ALDH1L1: variants seen among roughly 807,000 people sequenced by gnomAD.
The protein encoded by ALDH1L1 is aldehyde dehydrogenase 1 family member L1.
A neutral mutation model predicts 101.1 loss-of-function variants in ALDH1L1; 68 were observed. The ratio of observed to expected loss-of-function variants is 0.67; its 90% CI spans 0.55 to 0.82. The LOEUF (loss-of-function observed/expected upper bound fraction) is 0.82. Ranked by LOEUF, ALDH1L1 falls within the 40% of genes least tolerant of loss-of-function variation. ALDH1L1 has a pLI of 0.00. For missense variants in ALDH1L1, 1,087 were observed against 1,172.7 expected (o/e 0.93, Z 1.07); for synonymous variants, 486 against 470.8 (o/e 1.03, Z -0.42).
At chr3:126,169,910 A>T (rs2081242071) in intron 1 of ALDH1L1, among the ~76,000 whole-genome samples, 1 of 152,214 alleles carries the variant, frequency 6.6e-6, no homozygotes, top group African/African-American at 2.4e-5. Flanking sequence ...GTTAAATTCT[A>T]GTCTTGCCTA....
At chr3:126,114,484 A>G (rs1403031696) in intron 18 of ALDH1L1, 73 bp downstream of exon 18, 15 of 1,237,546 alleles carry the variant, frequency 1.2e-5, no homozygotes, top group Non-Finnish European at 1.6e-5. Flanking sequence ...GTGGAATCAG[A>G]GACAGGGCCT....
At position 126,146,737 on chromosome 3, in the gene ALDH1L1, G is replaced by C; in HGVS notation, c.1076+98C>G. ...TGGGTCCCTGGCCCACATGATCCAT[G>C]AGTGTAACAAATGGTTGTTTCCTGC... On this transcript the variant is annotated intron_variant, in intron 9 of 22. Transcript: ENST00000393434. 3 of 1,311,306 alleles carry C rather than the reference G, an allele frequency of 2.3e-6. No homozygotes were observed. In the South Asian group the frequency reaches 4.1e-5, roughly 18 times the overall value. 81.2% of individuals were successfully genotyped at this position (1,311,306 alleles called of 1,614,324 possible).
chr3:126,180,377 G>C, intron 1 of ALDH1L1, 99 bp downstream of exon 1: 13 of 896,764 alleles, frequency 1.4e-5, no homozygotes, highest in Non-Finnish European at 1.6e-5. Context: ...TGAGAACCGA[G>C]TCCTGGAGCC....
intron 1 of ALDH1L1, among the ~76,000 whole-genome samples, chr3:126,172,927 T>A (rs150091584): frequency 5.3e-5 from 8 of 152,100 alleles, no homozygotes; most frequent in Admixed American, 6.5e-5. Flanking sequence ...AACCATGCAA[T>A]CAGGAATAGA....
chr3:126,109,502 C>T (rs368982009), intron 20 of ALDH1L1, among the ~76,000 whole-genome samples: 1 of 152,192 alleles, frequency 6.6e-6, no homozygotes, highest in East Asian at 1.9e-4. Flanking sequence ...TGAGCTGCTG[C>T]AGGGGAGAGA....
intron 9 of ALDH1L1, among the ~76,000 whole-genome samples, chr3:126,139,929 C>T (rs1584330): frequency 0.25 from 34,115 of 135,942 alleles, 4,681 homozygotes; most frequent in African/African-American, 0.42. Flanking sequence ...CCATGAAACA[C>T]ACCAACATAC....
rs1388746949 is a variant in ALDH1L1 at position 126,159,242 on chromosome 3, A to G, written c.128-603T>C. 1.1e-5 allele frequency: 4 copies of G among 365,742 alleles called. No individual in the cohort carries two copies. The Admixed American group carries it at 1.1e-4, about 10-fold the overall frequency. 22.7% of individuals were successfully genotyped at this position (365,742 alleles called of 1,614,324 possible). A position where few individuals can be genotyped will look rare whatever the true frequency, so the allele number is the denominator to read the frequency against. On this transcript the variant is annotated intron_variant, in intron 2 of 22. Transcript: ENST00000393434. ...TGCGTGCACACACACACACACACAC[A>G]CACACCCCAGAGGACCAGATACAGC...
intron 9 of ALDH1L1, 40 bp from the exon 10 acceptor site, chr3:126,138,000 C>A (rs769036105): frequency 6.2e-7 from 1 of 1,610,974 alleles, no homozygotes; most frequent in East Asian, 2.2e-5. Flanking sequence ...ACGGGAGGGG[C>A]TCAGCAGGCC....
At chr3:126,123,327 G>A (rs556736552) in intron 16 of ALDH1L1, among the ~76,000 whole-genome samples, 65 of 150,290 alleles carry the variant, frequency 4.3e-4, no homozygotes, top group Non-Finnish European at 6.2e-4. Context: ...GCACAATCTC[G>A]GATCACTGCA....
chr3:126,159,537 G>T (rs973004843), intron 2 of ALDH1L1: 1 of 456,512 alleles, frequency 2.2e-6, no homozygotes. Flanking sequence ...CTCCTCTCCG[G>T]TCTCCTCCTC....
chr3:126,159,239 C>T, intron 2 of ALDH1L1: 3 of 366,386 alleles, frequency 8.2e-6, no homozygotes, highest in South Asian at 6.2e-5. Context: ...CACACACACA[C>T]ACACACACCC....
chr3:126,135,687 A>G, intron 11 of ALDH1L1, 25 bp from the exon 12 acceptor site: 2 of 1,503,080 alleles, frequency 1.3e-6, no homozygotes, highest in Non-Finnish European at 1.8e-6. Flanking sequence ...GAGCCATGAC[A>G]AGTTCTCCCT....
chr3:126,123,851 T>C (rs2080126912), intron 16 of ALDH1L1, among the ~76,000 whole-genome samples: 1 of 151,876 alleles, frequency 6.6e-6, no homozygotes, highest in African/African-American at 2.4e-5. Flanking sequence ...AAAGAATGTA[T>C]TACAACAATC....
At chr3:126,171,842 C>T (rs780648106) in intron 1 of ALDH1L1, among the ~76,000 whole-genome samples, 40 of 152,198 alleles carry the variant, frequency 2.6e-4, no homozygotes, top group Non-Finnish European at 4.1e-4. Flanking sequence ...TGCAGGCTCA[C>T]TGAAACACTA....
rs2080268648 is a variant in ALDH1L1 at position 126,130,047 on chromosome 3, T to C, written c.1694+176A>G. ...GTGTTACTGGGAGATTAAATACAAT[T>C]GTCCTCAAGTCCTTACAACAATGCC... On this transcript the variant is annotated intron_variant, in intron 14 of 22. Transcript: ENST00000393434. The C allele has an allele frequency of 1.5e-5, 8 of 527,096 alleles. No homozygotes were observed. In the South Asian group the frequency reaches 1.9e-4, roughly 12 times the overall value. 32.7% of individuals were successfully genotyped at this position (527,096 alleles called of 1,614,324 possible).
At chr3:126,155,615 TACACAG>T in intron 4 of ALDH1L1, 112 bp from the exon 5 acceptor site, 2 of 833,534 alleles carry the variant, frequency 2.4e-6, no homozygotes, top group Non-Finnish European at 3.6e-6. Flanking sequence ...ACTTGCCTGG[TACACAG>T]CAGTCACCCA....
chr3:126,192,373 C>T (rs1280936564), intron 1 of ALDH1L1, among the ~76,000 whole-genome samples: 3 of 152,208 alleles, frequency 2.0e-5, no homozygotes, highest in South Asian at 2.1e-4. Flanking sequence ...TTAGAATGAT[C>T]GGTTTAGACT....
rs2108248358 is a variant in ALDH1L1 at position 126,135,564 on chromosome 3, A to G, written c.1443T>C (p.Ser481=). 1 of 1,606,878 alleles carries G rather than the reference A, an allele frequency of 6.2e-7. No homozygotes were observed. The highest frequency in any genetic ancestry group is 8.5e-7 in the Non-Finnish European group (1 of 1,177,216). ...ACATCAGCCGGCCCCGGTCCCGCGC[A>G]CTGATCTTCCCCCACCGTCCATTCT... is the stretch of plus-strand genomic sequence containing the variant. ...AFENGRWGKI[S]ARDRGRLMYR... is the part of the protein sequence containing the mutation. Residue 481 remains serine, a synonymous_variant, in exon 12 of 23, where the codon AGT becomes AGC. Coordinates refer to ENST00000393434, the MANE Select transcript of ALDH1L1 (RefSeq NM_012190.4).
At chr3:126,157,284 G>A (rs2080929279) in intron 4 of ALDH1L1, 59 bp downstream of exon 4, 3 of 1,564,762 alleles carry the variant, frequency 1.9e-6, no homozygotes, top group Middle Eastern at 1.7e-4. Context: ...GCTGGGTCTA[G>A]GGAGGATGCT....
Sources: allele counts gnomAD v4.1 joint callset (sites outside exome capture counted in the v4.1 genomes callset), GRCh38; gene constraint gnomAD v4.1.1; transcripts MANE v1.5; gene names NCBI Gene and HGNC (gene_info 2026-07-23, HGNC 2026-07-21).